The following SMCO4 variants were observed in gnomAD, a reference collection of about 807,000 sequenced individuals.
SMCO4 encodes single-pass membrane and coiled-coil domain-containing protein 4.
Under a neutral mutation model 3.6 loss-of-function variants are expected in SMCO4, and 4 were observed. The ratio of observed to expected loss-of-function variants is 1.11; its 90% CI spans 0.54 to 2.53. SMCO4 has a LOEUF of 2.53. Among genes scored for constraint, SMCO4 ranks in the 30% most tolerant of loss-of-function variants. The pLI is 0.02. For missense variants in SMCO4, 70 were observed against 80.8 expected (o/e 0.87, Z 0.51); for synonymous variants, 36 against 35.3 (o/e 1.02, Z -0.07).
At chr11:93,534,811 C>T (rs1949204008) in intron 1 of SMCO4, among the ~76,000 whole-genome samples, 1 of 152,214 alleles carries the variant, frequency 6.6e-6, no homozygotes, top group South Asian at 2.1e-4. Context: ...TCAGCCCATT[C>T]ATGGAAGCCA....
At chr11:93,526,976 G>A (rs1340523598) in intron 1 of SMCO4, among the ~76,000 whole-genome samples, 1 of 152,120 alleles carries the variant, frequency 6.6e-6, no homozygotes, top group Admixed American at 6.6e-5. Context: ...GGACCTTCTA[G>A]AGACAGAATT....
In SMCO4 at chr11:93,511,622, G is replaced by A. The variant is rs144277363; in HGVS notation, c.-153-12274C>T. ...GGTCCCCATCGGAGTGGATGTGAGC[G>A]CACCTTGGGATGAAACTGTGTCCTA... On this transcript the variant is annotated intron_variant, in intron 1 of 2. Transcript: ENST00000298966. Among the ~76,000 whole-genome samples, 1,243 of 152,256 alleles carry A rather than the reference G, an allele frequency of 8.2e-3. 17 individuals carry two copies. Among genetic ancestry groups the A allele is most frequent in the Middle Eastern group, 0.051 (15 of 294 alleles).
chr11:93,501,057 G>C (rs1045243812), intron 1 of SMCO4, among the ~76,000 whole-genome samples: 1 of 152,194 alleles, frequency 6.6e-6, no homozygotes, highest in African/African-American at 2.4e-5. Flanking sequence ...CCAAGTAGCA[G>C]AGGCACCTGC....
chr11:93,505,499 T>C (rs1368041242), intron 1 of SMCO4, among the ~76,000 whole-genome samples: 2 of 152,220 alleles, frequency 1.3e-5, no homozygotes, highest in Non-Finnish European at 2.9e-5. Flanking sequence ...AGTTTCCTCA[T>C]CTGTAAAAAT....
chr11:93,483,596 G>A (rs1365911526), intron 2 of SMCO4, among the ~76,000 whole-genome samples: 6 of 149,730 alleles, frequency 4.0e-5, no homozygotes, highest in African/African-American at 1.5e-4. Context: ...AGTCCCCTGT[G>A]AGGCCAGCTC....
At chr11:93,508,254 G>C (rs1948926263) in intron 1 of SMCO4, among the ~76,000 whole-genome samples, 1 of 152,124 alleles carries the variant, frequency 6.6e-6, no homozygotes, top group African/African-American at 2.4e-5. Context: ...TCCAACACTG[G>C]GATGGGGCAT....
chr11:93,495,046 C>A (rs1948758770), intron 2 of SMCO4, among the ~76,000 whole-genome samples: 1 of 152,024 alleles, frequency 6.6e-6, no homozygotes, highest in Non-Finnish European at 1.5e-5. Flanking sequence ...TTTATCCATG[C>A]AGCTGTCTGA....
At chr11:93,507,121 G>A (rs1043920743) in intron 1 of SMCO4, among the ~76,000 whole-genome samples, 3 of 152,090 alleles carry the variant, frequency 2.0e-5, no homozygotes, top group Non-Finnish European at 2.9e-5. Flanking sequence ...TTAAAACTTC[G>A]GGGCCGGGTG....
chr11:93,553,643 T>C, the SMCO4 span, among the ~76,000 whole-genome samples: 1,020 of 152,368 alleles, frequency 6.7e-3, 11 homozygotes, highest in African/African-American at 0.023. Flanking sequence ...TTATTCAATG[T>C]GTTAATAAAG....
At chr11:93,488,910 G>A (rs999533371) in intron 2 of SMCO4, among the ~76,000 whole-genome samples, 8 of 152,100 alleles carry the variant, frequency 5.3e-5, no homozygotes, top group Admixed American at 1.3e-4. Flanking sequence ...CCAGGAAGAC[G>A]ATGGTGGCTT....
chr11:93,549,777 T>C, the SMCO4 span, among the ~76,000 whole-genome samples: 23 of 152,138 alleles, frequency 1.5e-4, no homozygotes, highest in Admixed American at 1.5e-3. Context: ...AAACTTACCC[T>C]CCCTAAGTTA....
intron 1 of SMCO4, among the ~76,000 whole-genome samples, chr11:93,525,820 G>T (rs1949100780): frequency 6.6e-6 from 1 of 152,208 alleles, no homozygotes; most frequent in African/African-American, 2.4e-5. Flanking sequence ...CTTCAGCAGA[G>T]CCCTGCATGG....
chr11:93,487,827 C>T (rs1948668892), intron 2 of SMCO4, among the ~76,000 whole-genome samples: 1 of 152,252 alleles, frequency 6.6e-6, no homozygotes. Context: ...ATTCTAGGGT[C>T]TGTGATCCTG....
At chr11:93,483,591 C>G (rs1005424128) in intron 2 of SMCO4, among the ~76,000 whole-genome samples, 4 of 150,130 alleles carry the variant, frequency 2.7e-5, no homozygotes, top group African/African-American at 9.8e-5. Flanking sequence ...AGTCGAGTCC[C>G]CTGTGAGGCC....
In SMCO4 at chr11:93,537,570, T is replaced by A. The variant is rs1258780671; in HGVS notation, c.-154+5706A>T. On this transcript the variant is annotated intron_variant, in intron 1 of 2. Coordinates refer to ENST00000298966, the MANE Select transcript of SMCO4 (RefSeq NM_020179.3). ...AAGCAAACACACCCAAACACGCACC[T>A]AAACACGAAGCAAAAAGAACGAGAA... Among the ~76,000 whole-genome samples, 4 of 151,864 alleles carry A rather than the reference T, an allele frequency of 2.6e-5. No individual in the cohort carries two copies. The South Asian group carries it at 6.2e-4, about 24-fold the overall frequency.
chr11:93,516,134 G>T (rs1949005853), intron 1 of SMCO4, among the ~76,000 whole-genome samples: 1 of 152,116 alleles, frequency 6.6e-6, no homozygotes, highest in Non-Finnish European at 1.5e-5. Context: ...TACTAAAAAA[G>T]ATTTTTTAAT....
In SMCO4 at chr11:93,524,783, C is replaced by T. The variant is rs755245982; in HGVS notation, c.-154+18493G>A. ...CACAGAGGAGGTGGTGCATCCAATG[C>T]GTTCCCCACCTATGTTAACTCACAG... On this transcript the variant is annotated intron_variant, in intron 1 of 2. Coordinates refer to ENST00000298966, the MANE Select transcript of SMCO4 (RefSeq NM_020179.3). 3.9e-5 allele frequency among the ~76,000 whole-genome samples: 6 copies of T among 152,242 alleles called. No homozygotes were observed. The South Asian group carries it at 1.0e-3, about 26-fold the overall frequency.
chr11:93,492,028 G>A (rs1294553225), intron 2 of SMCO4, among the ~76,000 whole-genome samples: 1 of 152,202 alleles, frequency 6.6e-6, no homozygotes, highest in Non-Finnish European at 1.5e-5. Flanking sequence ...CCTGGCTGAT[G>A]GCAGACAAAC....
At chr11:93,513,963 C>G (rs1948981625) in intron 1 of SMCO4, among the ~76,000 whole-genome samples, 1 of 152,176 alleles carries the variant, frequency 6.6e-6, no homozygotes, top group African/African-American at 2.4e-5. Flanking sequence ...ATTTGCCCAT[C>G]TGTTTCCTCT....
Sources: allele counts gnomAD v4.1 joint callset (sites outside exome capture counted in the v4.1 genomes callset), GRCh38; gene constraint gnomAD v4.1.1; transcripts MANE v1.5; gene names NCBI Gene and HGNC (gene_info 2026-07-23, HGNC 2026-07-21).